Variants in HAUS7 observed in about 807,000 individuals in gnomAD.
HAUS7 encodes HAUS augmin like complex subunit 7.
In HAUS7, 3 loss-of-function variants were observed where a neutral mutation model predicts 28.4. That is an observed-to-expected ratio of 0.11 (90% CI 0.05 to 0.27). The LOEUF (loss-of-function observed/expected upper bound fraction) is 0.27. HAUS7 is among the 10% of genes least tolerant of loss of function. The pLI, the probability that HAUS7 is intolerant of heterozygous loss-of-function variation, is 1.00. For missense variants in HAUS7, 284 were observed against 297.3 expected (o/e 0.96, Z 0.33); for synonymous variants, 165 against 132.1 (o/e 1.25, Z -1.71).
At chrX:153,474,738 C>G (rs1289309060), upstream of HAUS7, among the ~76,000 whole-genome samples, 4 of 72,724 alleles carry the variant, frequency 5.5e-5, no homozygotes, top group Admixed American at 6.3e-4. Flanking sequence ...GGCGGGGGCG[C>G]GGGCGCTGGC....
upstream of HAUS7, chrX:153,471,006 C>T (rs1222222830): frequency 3.0e-6 from 1 of 331,492 alleles, no homozygotes; most frequent in African/African-American, 2.6e-5. Flanking sequence ...CTGCCTTGGT[C>T]GGGTTCTCCT....
intron 1 of HAUS7, chrX:153,480,438 C>T (rs2089592398): frequency 3.6e-6 from 1 of 274,715 alleles, no homozygotes; most frequent in South Asian, 1.7e-4. Flanking sequence ...TCTGTTCTCT[C>T]GCCAGTGCTC....
chrX:153,460,345 T>G (rs2089372079), intron 4 of HAUS7, among the ~76,000 whole-genome samples: 1 of 111,607 alleles, frequency 9.0e-6, no homozygotes, highest in Non-Finnish European at 1.9e-5. Context: ...CATACAACAC[T>G]GTGAATGTAC....
chrX:153,482,934 CTTCT>C, intron 1 of HAUS7: 2 of 162,052 alleles, frequency 1.2e-5, no homozygotes, highest in Non-Finnish European at 2.1e-5. Context: ...CCTGCCTCTG[CTTCT>C]GCTGAGGGGG....
chrX:153,479,095 G>A (rs1164663564), intron 1 of HAUS7, among the ~76,000 whole-genome samples: 1 of 109,079 alleles, frequency 9.2e-6, no homozygotes, highest in African/African-American at 3.3e-5. Context: ...GCGTTTGCTC[G>A]ACAGAAGGGG....
At chrX:153,478,002 T>C (rs1487471699) in intron 1 of HAUS7, among the ~76,000 whole-genome samples, 4 of 112,643 alleles carry the variant, frequency 3.6e-5, no homozygotes, top group Admixed American at 9.3e-5. Context: ...TCCTGCCTGA[T>C]GGCCCTTGCC....
In HAUS7 at chrX:153,469,104, A is replaced by C. The variant is rs781886108; in HGVS notation, c.224+42T>G. 5.1e-6 allele frequency: 4 copies of C among 791,804 alleles called. No individual in the cohort carries two copies. In the African/African-American group the frequency reaches 8.1e-5, roughly 16 times the overall value. 65.3% of individuals were successfully genotyped at this position (791,804 alleles called of 1,213,427 possible). On this transcript the variant is annotated intron_variant, in intron 2 of 9. Coordinates refer to ENST00000370211, the MANE Select transcript of HAUS7 (RefSeq NM_001385482.1). Reference sequence around the variant, plus strand: ...CCCCAGGTGGGGCTGGCTGGCGCCCATGCACACCCCAGGTGGGAAGAGGAA... The same window carrying C: ...CCCCAGGTGGGGCTGGCTGGCGCCCCTGCACACCCCAGGTGGGAAGAGGAA...
intron 1 of HAUS7, among the ~76,000 whole-genome samples, chrX:153,470,030 A>T (rs1488942276): frequency 9.0e-6 from 1 of 111,431 alleles, no homozygotes; most frequent in African/African-American, 3.3e-5. Flanking sequence ...TCTGGAGGCT[A>T]TCACCCCTGG....
intron 1 of HAUS7, chrX:153,479,153 C>T (rs1259745051): frequency 4.5e-5 from 6 of 132,158 alleles, no homozygotes; most frequent in South Asian, 6.5e-4. Context: ...CTCCAAGTGC[C>T]GCAGCCAGGG....
intron 3 of HAUS7, among the ~76,000 whole-genome samples, chrX:153,463,340 C>T (rs5986953): frequency 0.12 from 13,499 of 111,394 alleles, 1,855 homozygotes; most frequent in African/African-American, 0.4. Context: ...CATATAAATG[C>T]CAACTGCATG....
chrX:153,480,506 TG>T, intron 1 of HAUS7: 1 of 681,438 alleles, frequency 1.5e-6, no homozygotes, highest in Non-Finnish European at 1.7e-6. Flanking sequence ...GGAAGGGCGA[TG>T]GGCTTTCTAG....
chrX:153,466,216 G>A (rs937644058), intron 2 of HAUS7, among the ~76,000 whole-genome samples: 4 of 112,794 alleles, frequency 3.5e-5, no homozygotes, highest in African/African-American at 1.3e-4. Flanking sequence ...CTCTGCCAGC[G>A]GGGTTGCCGA....
At chrX:153,486,753 C>G (rs782354186) in intron 1 of HAUS7, 59 of 981,282 alleles carry the variant, frequency 6.0e-5, no homozygotes, top group Middle Eastern at 5.9e-4. Flanking sequence ...TCTCCTGCAC[C>G]CGAGCCTATC....
chrX:153,472,899 C>A (rs1421790448), upstream of HAUS7, among the ~76,000 whole-genome samples: 1 of 97,009 alleles, frequency 1.0e-5, no homozygotes, highest in Non-Finnish European at 2.1e-5. Flanking sequence ...GTGGATGTGG[C>A]GGGGAAGCTG....
At chrX:153,477,395 G>A (rs1442948682) in intron 1 of HAUS7, among the ~76,000 whole-genome samples, 1 of 113,637 alleles carries the variant, frequency 8.8e-6, no homozygotes, top group Non-Finnish European at 1.9e-5. Flanking sequence ...CCCGACCCCA[G>A]GTGCTAGGCT....
At chrX:153,448,353 T>A (rs782304862) in intron 9 of HAUS7, among the ~76,000 whole-genome samples, 16 of 86,078 alleles carry the variant, frequency 1.9e-4, no homozygotes, top group Admixed American at 4.8e-4. Context: ...ATGAGAACAC[T>A]TGGACACAGG....
At chrX:153,486,861 A>T (rs782777608) in intron 1 of HAUS7, 2 of 947,381 alleles carry the variant, frequency 2.1e-6, no homozygotes, top group East Asian at 1.5e-4. Context: ...GAGGGGGTGG[A>T]GGGGCAGGCT....
At chrX:153,461,728 G>A (rs75736334) in intron 4 of HAUS7, 110 of 209,952 alleles carry the variant, frequency 5.2e-4, no homozygotes, top group East Asian at 2.1e-3. Context: ...TCAACAAGAC[G>A]GATGCCAGCA....
chrX:153,494,427 C>T (rs2089692018), intron 1 of HAUS7, among the ~76,000 whole-genome samples: 1 of 112,134 alleles, frequency 8.9e-6, no homozygotes, highest in Non-Finnish European at 1.9e-5. Flanking sequence ...GCACAGGGCG[C>T]CAGGAGCCTA....
Sources: gnomAD v4.1 joint callset for allele counts (sites outside exome capture counted in the v4.1 genomes callset) on GRCh38, gnomAD v4.1.1 for gene constraint, MANE v1.5 for transcripts, NCBI Gene and HGNC (gene_info 2026-07-23, HGNC 2026-07-21) for gene names.